Variants in DNAJB14 observed in about 807,000 individuals in gnomAD.
DNAJB14 encodes the protein DnaJ heat shock protein family (Hsp40) member B14, also known as dnaJ homolog subfamily B member 14.
Under a neutral mutation model 48.4 loss-of-function variants are expected in DNAJB14, and 22 were observed. The ratio of observed to expected loss-of-function variants is 0.45; its 90% confidence interval spans 0.32 to 0.65. The LOEUF (loss-of-function observed/expected upper bound fraction) is 0.65. Ranked by LOEUF, DNAJB14 falls within the 30% of genes least tolerant of loss-of-function variation. The pLI is 0.03. For synonymous variants in DNAJB14, 142 were observed against 158.7 expected (o/e 0.89, Z 0.79); for missense variants, 319 against 458.8 (o/e 0.70, Z 2.78).
At chr4:99,901,218 A>G (rs144640843) in intron 7 of DNAJB14, 66 bp from the exon 8 acceptor site, 17 of 1,401,656 alleles carry the variant, frequency 1.2e-5, no homozygotes, top group Non-Finnish European at 1.3e-5. Flanking sequence ...CTTAAGCTCA[A>G]GTGATGCTTT....
intron 1 of DNAJB14, among the ~76,000 whole-genome samples, chr4:99,944,624 A>T (rs144437818): frequency 0.034 from 5,033 of 148,214 alleles, 208 homozygotes; most frequent in Admixed American, 0.14. Flanking sequence ...CCCAGGCTGG[A>T]GTGCAGTGTT....
At chr4:99,922,902 T>TTG in intron 3 of DNAJB14, 138 bp downstream of exon 3, 1 of 1,010,744 alleles carries the variant, frequency 9.9e-7, no homozygotes, top group East Asian at 2.8e-5. Context: ...AATACTGAAG[T>TTG]TTTAAAGGAT....
chr4:99,924,847 T>C (rs749522074), intron 2 of DNAJB14: 2 of 1,488,516 alleles, frequency 1.3e-6, no homozygotes. Flanking sequence ...ATAACTAATT[T>C]GACTGCATAA....
chr4:99,945,803 C>G (rs1727046417), intron 1 of DNAJB14, among the ~76,000 whole-genome samples: 1 of 152,192 alleles, frequency 6.6e-6, no homozygotes, highest in Middle Eastern at 3.2e-3. Context: ...TACCATATTC[C>G]TCAGAGATTT....
chr4:99,911,825 CT>C (rs1035842370), intron 3 of DNAJB14, among the ~76,000 whole-genome samples: 3 of 152,068 alleles, frequency 2.0e-5, no homozygotes, highest in African/African-American at 7.2e-5. Context: ...CCTGGCAAAT[CT>C]TTTTTTCCAT....
intron 3 of DNAJB14, among the ~76,000 whole-genome samples, chr4:99,913,621 G>GTTTTT (rs372025043): frequency 1.9e-5 from 2 of 107,616 alleles, no homozygotes; most frequent in African/African-American, 3.4e-5. Flanking sequence ...CTGGTCTGTA[G>GTTTTT]TTTTTTTTTT....
At chr4:99,915,385 C>G (rs1725819048) in intron 3 of DNAJB14, among the ~76,000 whole-genome samples, 1 of 152,174 alleles carries the variant, frequency 6.6e-6, no homozygotes, top group Non-Finnish European at 1.5e-5. Flanking sequence ...GATCCACCCA[C>G]CTCGGCCTCC....
At chr4:99,943,651 C>T (rs750987800) in intron 1 of DNAJB14, among the ~76,000 whole-genome samples, 22 of 152,104 alleles carry the variant, frequency 1.4e-4, no homozygotes, top group Non-Finnish European at 2.6e-4. Context: ...AGGTTCTCTA[C>T]CCTGCTCAAA....
chr4:99,906,207 A>C (rs1000408431), intron 5 of DNAJB14: 41 of 1,351,890 alleles, frequency 3.0e-5, no homozygotes, highest in Non-Finnish European at 3.4e-5. Flanking sequence ...CCTCCAATTC[A>C]AGTTTTTCAG....
At chr4:99,911,421 T>G (rs1458857146) in intron 3 of DNAJB14, among the ~76,000 whole-genome samples, 8 of 152,190 alleles carry the variant, frequency 5.3e-5, no homozygotes, top group African/African-American at 1.9e-4. Context: ...AGGAGTGCAT[T>G]GCTGGGTTGT....
At chr4:99,903,337 T>TTA (rs1725358785) in intron 7 of DNAJB14, among the ~76,000 whole-genome samples, 1 of 151,778 alleles carries the variant, frequency 6.6e-6, no homozygotes, top group Admixed American at 6.6e-5. Context: ...AAAAGCTAAA[T>TTA]TAATAGAGTT....
intron 2 of DNAJB14, chr4:99,927,521 A>G (rs760754211): frequency 6.6e-6 from 1 of 152,188 alleles, no homozygotes; most frequent in Non-Finnish European, 1.5e-5. Context: ...CCAGTTAATA[A>G]TTTCACACTG....
rs1448902666 is a variant in DNAJB14, at chr4:99,908,909, T to C, written c.452-13A>G. On this transcript the variant is annotated splice_polypyrimidine_tract_variant and intron_variant, in intron 3 of 7. Coordinates refer to ENST00000442697, the MANE Select transcript of DNAJB14 (RefSeq NM_001031723.4). ...GCATTTCCAATCTCTGAAAAAGTAA[T>C]GAGTAAAAGTTGGTAAGCAAAGTTT... 5 of 1,513,444 alleles carry C rather than the reference T, an allele frequency of 3.3e-6. No homozygotes were observed. The highest frequency in any genetic ancestry group is 4.4e-6 in the Non-Finnish European group (5 of 1,133,976). The allele number at this position is 1,513,444 out of a possible 1,614,324, so 93.8% of individuals were successfully genotyped here.
chr4:99,945,308 G>A (rs1243841772), intron 1 of DNAJB14, among the ~76,000 whole-genome samples: 1 of 152,182 alleles, frequency 6.6e-6, no homozygotes, highest in East Asian at 1.9e-4. Flanking sequence ...AGGATAGAGA[G>A]AAAAGCAAAG....
rs142643770 is a variant in DNAJB14, at chr4:99,906,809, C to T, written c.638-198G>A. 2.6e-4 allele frequency among the ~76,000 whole-genome samples: 40 copies of T among 152,218 alleles called. No homozygotes were observed. In the East Asian group the frequency reaches 4.2e-3, roughly 16 times the overall value. Reference sequence around the variant, plus strand: ...GGAATGATTCTTCCCAATCTGCTTCCGTTACAGGTAGAAGTTCCTTCTTTA... The same window carrying T: ...GGAATGATTCTTCCCAATCTGCTTCTGTTACAGGTAGAAGTTCCTTCTTTA... On this transcript the variant is annotated intron_variant, in intron 4 of 7. Coordinates refer to ENST00000442697, the MANE Select transcript of DNAJB14 (RefSeq NM_001031723.4).
rs181855526 is a variant in DNAJB14 at position 99,916,687 on chromosome 4, G to A, written c.451+6353C>T. 1.4e-4 allele frequency among the ~76,000 whole-genome samples: 21 copies of A among 151,842 alleles called. 1 individual carries two copies. In the East Asian group the frequency reaches 3.3e-3, roughly 24 times the overall value. ...ATATATCTTTGTATAACTTTTTAGC[G>A]GTTGCTCTAGGTATTATATATACAT... On this transcript the variant is annotated intron_variant, in intron 3 of 7. Transcript: ENST00000442697.
chr4:99,930,231 G>A (rs1055032017), intron 2 of DNAJB14: 3 of 368,064 alleles, frequency 8.2e-6, no homozygotes, highest in East Asian at 4.3e-5. Context: ...TTTGGAAAAA[G>A]CTTTGTAACT....
intron 1 of DNAJB14, among the ~76,000 whole-genome samples, chr4:99,941,657 C>G (rs922388624): frequency 3.3e-5 from 5 of 152,080 alleles, no homozygotes; most frequent in African/African-American, 1.2e-4. Flanking sequence ...ACTGAATTCC[C>G]AGTTCTTAGA....
At chr4:99,940,268 G>A (rs1726842149) in intron 1 of DNAJB14, among the ~76,000 whole-genome samples, 1 of 152,086 alleles carries the variant, frequency 6.6e-6, no homozygotes. Context: ...TTATTTGTGT[G>A]ATTATACAAA....
Sources: gnomAD v4.1 joint callset for allele counts (sites outside exome capture counted in the v4.1 genomes callset) on GRCh38, gnomAD v4.1.1 for gene constraint, MANE v1.5 for transcripts, NCBI Gene and HGNC (gene_info 2026-07-23, HGNC 2026-07-21) for gene names.